Variants in ARHGDIG observed in about 807,000 individuals in gnomAD.
ARHGDIG encodes rho GDP-dissociation inhibitor 3.
A neutral mutation model predicts 20.2 loss-of-function variants in ARHGDIG; 14 were observed. The observed-to-expected ratio is 0.69, with a 90% CI of 0.46 to 1.08. The LOEUF (loss-of-function observed/expected upper bound fraction) is 1.08. Ranked by LOEUF, ARHGDIG falls within the 50% of genes least tolerant of loss-of-function variation. The pLI, the probability that ARHGDIG is intolerant of heterozygous loss-of-function variation, is 0.00. For synonymous variants in ARHGDIG, 193 were observed against 138.6 expected (o/e 1.39, Z -2.76); for missense variants, 311 against 301.8 (o/e 1.03, Z -0.23).
rs759661075 is a variant in ARHGDIG, at chr16:281,921, C to T, written c.249C>T (p.Ala83=). The T allele has an allele frequency of 1.5e-5, 23 of 1,536,916 alleles. No individual in the cohort carries two copies. Among genetic ancestry groups the T allele is most frequent in the African/African-American group, 8.8e-5 (6 of 68,132 alleles). The change falls in exon 2 of 6, where the codon GCC becomes GCT. Residue 83 remains alanine, a synonymous_variant. Transcript: ENST00000219409. ...TGCTGCTGGGGCCCCTGCCACCGGCCGTGGGTATGGCAGGGGTCTAGGCTT... is the reference window on the plus strand; with the variant it reads ...TGCTGCTGGGGCCCCTGCCACCGGCTGTGGGTATGGCAGGGGTCTAGGCTT... ...KRVLLGPLPP[A]VDPSLPNVQV...
chr16:281,799 G>T lies in ARHGDIG; in HGVS notation c.127G>T (p.Glu43Ter). The T allele has an allele frequency of 6.2e-7, 1 of 1,611,468 alleles. No homozygotes were observed. Among genetic ancestry groups the T allele is most frequent in the Non-Finnish European group, 8.5e-7 (1 of 1,179,502 alleles). The stretch of plus-strand genomic sequence containing the variant: ...GCCGGCAGTGGACGAGGTGTTGGAT[G>T]AGGCTGTGCCCGAGTACCGGGCGCC... ...GPPAVDEVLD[E>*]AVPEYRAPGR... is the part of the protein sequence containing the mutation. Residue 43 changes from glutamate to a stop codon, truncating the protein, a stop_gained, in exon 2 of 6, where the codon GAG becomes TAG. Transcript: ENST00000219409. LOFTEE classifies it high-confidence loss of function.
rs555974578 is a variant in ARHGDIG at position 281,728 on chromosome 16, G to T, written c.74-18G>T. 1.3e-5 allele frequency: 20 copies of T among 1,555,776 alleles called. No homozygotes were observed. The East Asian group carries it at 4.6e-4, about 36-fold the overall frequency. On this transcript the variant is annotated intron_variant, in intron 1 of 5. Coordinates refer to ENST00000219409, the MANE Select transcript of ARHGDIG (RefSeq NM_001176.4). ...GGGTCCGCTAGTGGCTGCTGCTCAC[G>T]CCCCTCCCCACCCCCAGTCCTCCTG...
At chr16:281,695 G>C (rs1437293599) in intron 1 of ARHGDIG, 51 bp from the exon 2 acceptor site, 1 of 1,503,854 alleles carries the variant, frequency 6.6e-7, no homozygotes, top group Non-Finnish European at 8.9e-7. Flanking sequence ...CCTGGTGCTC[G>C]AATGCCAGGG....
At chr16:282,586 G>T in intron 5 of ARHGDIG, 29 bp from the exon 6 acceptor site, 1 of 1,568,576 alleles carries the variant, frequency 6.4e-7, no homozygotes, top group East Asian at 2.3e-5. Flanking sequence ...GCAGACAGAG[G>T]ACAGCTCTGA....
In ARHGDIG at chr16:282,037, C is replaced by T. The variant is rs1340291464; in HGVS notation, c.266C>T (p.Pro89Leu). ...PLPPAVDPSLPNVQVTRLTLL... is the reference protein window; with the variant it reads ...PLPPAVDPSLLNVQVTRLTLL... The stretch of plus-strand genomic sequence containing the variant: ...AGTTTCTCCTCAGACCCAAGCCTGC[C>T]CAATGTGCAGGTGACCAGGCTGACA... Residue 89 changes from proline (P) to leucine (L), a missense_variant, in exon 3 of 6, where the codon CCC (proline) becomes CTC (leucine). Pro to Leu is a moderately conservative substitution (Grantham distance 98). Transcript: ENST00000219409. 6.2e-7 allele frequency: 1 copy of T among 1,612,602 alleles called. No individual in the cohort carries two copies. Among genetic ancestry groups the T allele is most frequent in the Admixed American group, 1.7e-5 (1 of 60,008 alleles).
At position 281,837 on chromosome 16, in the gene ARHGDIG, C is replaced by T; in HGVS notation, c.165C>T (p.Ser55=). The change falls in exon 2 of 6, where the codon AGC becomes AGT. Residue 55 remains serine (S), a synonymous_variant. Transcript: ENST00000219409. The part of the protein sequence containing the change: ...VPEYRAPGRK[S]LLEIRQLDPD... ...AGTACCGGGCGCCGGGGAGGAAGAG[C>T]CTCTTGGAGATCCGGCAGCTGGACC... 6.2e-7 allele frequency: 1 copy of T among 1,611,880 alleles called. No homozygotes were observed. Among genetic ancestry groups the T allele is most frequent in the Non-Finnish European group, 8.5e-7 (1 of 1,179,828 alleles).
rs1416399673 is a variant in ARHGDIG at position 282,363 on chromosome 16, TCTC to T, written c.407_409del (p.Ser136del). The T allele has an allele frequency of 1.9e-6, 3 of 1,611,770 alleles. No homozygotes were observed. The highest frequency in any genetic ancestry group is 2.2e-5 in the East Asian group (1 of 44,760). On this transcript the variant is annotated inframe_deletion, in exon 4 of 6. Transcript: ENST00000219409. ...GAAGGTGTTGATTACAGAGTGAAGA[TCTC>T]CTTCAAGGTGAGAGCCGGGGCAATG...
chr16:282,382 C>A lies in ARHGDIG; in HGVS notation c.414+9C>A. On this transcript the variant is annotated intron_variant, in intron 4 of 5. Transcript: ENST00000219409. ...TGAAGATCTCCTTCAAGGTGAGAGC[C>A]GGGGCAATGGGCGGAGGGGATGGGG... 1 of 1,092,542 alleles carries A rather than the reference C, an allele frequency of 9.2e-7. No individual in the cohort carries two copies. The highest frequency in any genetic ancestry group is 1.6e-5 in the African/African-American group (1 of 61,002). 67.7% of individuals were successfully genotyped at this position (1,092,542 alleles called of 1,614,324 possible). A position where few individuals can be genotyped will look rare whatever the true frequency, so the allele number is the denominator to read the frequency against.
Position 282,452 on chromosome 16 carries a change from T to C in ARHGDIG, c.415-15T>C, listed in dbSNP as rs1435018848. The C allele has an allele frequency of 6.2e-7, 1 of 1,611,718 alleles. No individual in the cohort carries two copies. Among genetic ancestry groups the C allele is most frequent in the Non-Finnish European group, 8.5e-7 (1 of 1,179,874 alleles). ...GCCTGGCCCCCAGAGGAACCCCTAA[T>C]GCCTCTGTTCCCAGGTCCACAGGGA... On this transcript the variant is annotated splice_polypyrimidine_tract_variant and intron_variant, in intron 4 of 5. Transcript: ENST00000219409.
Position 281,394 on chromosome 16 carries a change from G to A in ARHGDIG, c.74-352G>A, listed in dbSNP as rs1219901177. The A allele has an allele frequency of 1.3e-5, 3 of 222,306 alleles. No homozygotes were observed. In the Admixed American group the frequency reaches 1.5e-4, roughly 11 times the overall value. 13.8% of individuals were successfully genotyped at this position (222,306 alleles called of 1,614,324 possible). ...AGGGTCAGTAGGTTTGGGGGCCGCC[G>A]AGGGCCGCTGCTCTCTAGCAGGTAG... On this transcript the variant is annotated intron_variant, in intron 1 of 5. Transcript: ENST00000219409.
Position 281,880 on chromosome 16 carries a change from G to T in ARHGDIG, c.208G>T (p.Ala70Ser). ...RQLDPDDRSL[A>S]KYKRVLLGPL... ...GCTGGACCCGGACGACAGGAGCCTG[G>T]CCAAGTACAAGCGGGTGCTGCTGGG... The change falls in exon 2 of 6, where the codon GCC (alanine) becomes TCC (serine). Residue 70 changes from alanine to serine, a missense_variant. Coordinates refer to ENST00000219409, the MANE Select transcript of ARHGDIG (RefSeq NM_001176.4). The T allele has an allele frequency of 6.2e-7, 1 of 1,610,098 alleles. No individual in the cohort carries two copies. Among genetic ancestry groups the T allele is most frequent in the Non-Finnish European group, 8.5e-7 (1 of 1,179,770 alleles).
rs1451841840 is a variant in ARHGDIG, at chr16:281,604, C to T, written c.74-142C>T. 7 of 1,024,556 alleles carry T rather than the reference C, an allele frequency of 6.8e-6. No individual in the cohort carries two copies. The African/African-American group carries it at 9.7e-5, about 14-fold the overall frequency. 63.5% of individuals were successfully genotyped at this position (1,024,556 alleles called of 1,614,324 possible). On this transcript the variant is annotated intron_variant, in intron 1 of 5. Transcript: ENST00000219409. ...CCCAGGCCGCCCTGCTCTCTCTGCTCGCTCTCTCCCTGAGCCCCCAGAGGC... is the reference window on the plus strand; with the variant it reads ...CCCAGGCCGCCCTGCTCTCTCTGCTTGCTCTCTCCCTGAGCCCCCAGAGGC...
Position 280,785 on chromosome 16 carries a change from G to T in ARHGDIG, c.73+32G>T. On this transcript the variant is annotated intron_variant, in intron 1 of 5. Transcript: ENST00000219409. The surrounding 1 kb of genome is among the most constrained non-coding windows in gnomAD (Gnocchi z 6.6). ...GGGCCGGGCAGGGGCGGGGGGCTCGGCTGGTCTCAGCCCCGGGCGGGGAGT... is the reference window on the plus strand; with the variant it reads ...GGGCCGGGCAGGGGCGGGGGGCTCGTCTGGTCTCAGCCCCGGGCGGGGAGT... 3 of 1,247,326 alleles carry T rather than the reference G, an allele frequency of 2.4e-6. No homozygotes were observed. The highest frequency in any genetic ancestry group is 4.5e-5 in the South Asian group (2 of 44,128). 77.3% of individuals were successfully genotyped at this position (1,247,326 alleles called of 1,614,324 possible).
rs764280047 is a variant in ARHGDIG at position 282,519 on chromosome 16, G to A, written c.467G>A (p.Arg156Gln). The A allele has an allele frequency of 1.7e-5, 28 of 1,605,640 alleles. No individual in the cohort carries two copies. Among genetic ancestry groups the A allele is most frequent in the Non-Finnish European group, 2.0e-5 (23 of 1,178,208 alleles). The stretch of plus-strand genomic sequence containing the variant: ...AAGTGTCTGCACCACACCTACCGCC[G>A]GGGCCTGCGCGGTGAGGGCAGCGGT... Reference protein sequence around the residue: ...GLKCLHHTYRRGLRVDKTVYM... With the variant: ...GLKCLHHTYRQGLRVDKTVYM... The change falls in exon 5 of 6, where the codon CGG (arginine) becomes CAG (glutamine). Residue 156 changes from arginine to glutamine, a missense_variant. Coordinates refer to ENST00000219409, the MANE Select transcript of ARHGDIG (RefSeq NM_001176.4).
chr16:282,085 G>A lies in ARHGDIG; in HGVS notation c.314G>A (p.Gly105Glu), dbSNP rs1286392197. 6.2e-7 allele frequency: 1 copy of A among 1,612,758 alleles called. No individual in the cohort carries two copies. Among genetic ancestry groups the A allele is most frequent in the African/African-American group, 1.3e-5 (1 of 74,886 alleles). The change falls in exon 3 of 6, where the codon GGG (glycine) becomes GAG (glutamate). Residue 105 changes from glycine to glutamate, a missense_variant. Coordinates refer to ENST00000219409, the MANE Select transcript of ARHGDIG (RefSeq NM_001176.4). ...RLTLLSEQAP[G>E]PVVMDLTGDL... Reference sequence around the variant, plus strand: ...ACACTCCTGTCGGAACAGGCTCCGGGGCCCGTCGTCATGGATCTCACAGGT... The same window carrying A: ...ACACTCCTGTCGGAACAGGCTCCGGAGCCCGTCGTCATGGATCTCACAGGT...
chr16:280,919 TG>T lies in ARHGDIG; in HGVS notation c.73+170del, dbSNP rs1362685555. The T allele has an allele frequency of 3.2e-6, 1 of 308,580 alleles. No homozygotes were observed. Among genetic ancestry groups the T allele is most frequent in the Non-Finnish European group, 5.6e-6 (1 of 177,300 alleles). The allele number at this position is 308,580 out of a possible 1,614,324, so 19.1% of individuals were successfully genotyped here. A position where few individuals can be genotyped will look rare whatever the true frequency, so the allele number is the denominator to read the frequency against. ...GGACTTCATCCAGGCTCCAGCCCTG[TG>T]GGGAAGGGACCAGGTGCGGACGGGT... is the stretch of plus-strand genomic sequence containing the variant. On this transcript the variant is annotated intron_variant, in intron 1 of 5. Coordinates refer to ENST00000219409, the MANE Select transcript of ARHGDIG (RefSeq NM_001176.4). The surrounding 1 kb of genome is among the most constrained non-coding windows in gnomAD (Gnocchi z 6.6).
At chr16:281,594 TCTCTCTGCTCG>T in intron 1 of ARHGDIG, 141 bp from the exon 2 acceptor site, 1 of 950,010 alleles carries the variant, frequency 1.1e-6, no homozygotes, top group Non-Finnish European at 1.5e-6. Flanking sequence ...GCCGCCCTGC[TCTCTCTGCTCG>T]CTCTCTCCCT....
chr16:280,743 G>T lies in ARHGDIG; in HGVS notation c.63G>T (p.Leu21=). The T allele has an allele frequency of 7.7e-7, 1 of 1,295,764 alleles. No homozygotes were observed. The highest frequency in any genetic ancestry group is 9.8e-7 in the Non-Finnish European group (1 of 1,017,854). The allele number at this position is 1,295,764 out of a possible 1,614,324, so 80.3% of individuals were successfully genotyped here. A position where few individuals can be genotyped will look rare whatever the true frequency, so the allele number is the denominator to read the frequency against. ...TGCTGGAGCTGCTCCGGCTGGCGCT[G>T]TGCGCCCGAGGTGAGCGGGCCGGGC... ...AQLLELLRLA[L]CARVLLADKE... Residue 21 remains leucine, a synonymous_variant, in exon 1 of 6, where the codon CTG becomes CTT. Transcript: ENST00000219409. The surrounding 1 kb of genome is among the most constrained non-coding windows in gnomAD (Gnocchi z 6.6).
Position 282,447 on chromosome 16 carries a change from C to T in ARHGDIG, c.415-20C>T. ...CAGAGGCCTGGCCCCCAGAGGAACC[C>T]CTAATGCCTCTGTTCCCAGGTCCAC... On this transcript the variant is annotated intron_variant, in intron 4 of 5. Coordinates refer to ENST00000219409, the MANE Select transcript of ARHGDIG (RefSeq NM_001176.4). 1.9e-6 allele frequency: 3 copies of T among 1,612,120 alleles called. No homozygotes were observed. Among genetic ancestry groups the T allele is most frequent in the Non-Finnish European group, 2.5e-6 (3 of 1,179,902 alleles).
Sources: gnomAD v4.1 joint callset for allele counts on GRCh38, gnomAD v4.1.1 for gene constraint, Gnocchi (gnomAD v3.1) non-coding constraint, MANE v1.5 for transcripts, NCBI Gene and HGNC (gene_info 2026-07-23, HGNC 2026-07-21) for gene names.